Variants in ASIC2 observed in about 807,000 individuals in gnomAD.
ASIC2 encodes the protein acid sensing ion channel subunit 2.
In ASIC2, 25 loss-of-function variants were observed where a neutral mutation model predicts 57.3. The observed-to-expected ratio is 0.44, with a 90% confidence interval of 0.32 to 0.61. The LOEUF is 0.61. Among genes scored for constraint, ASIC2 ranks in the 20% least tolerant of loss-of-function variants. The pLI is 0.06. For synonymous variants in ASIC2, 319 were observed against 307.5 expected, an observed-to-expected ratio of 1.04 and a Z score of -0.39; for missense variants, 641 against 738.1, an observed-to-expected ratio of 0.87 and a Z score of 1.52.
chr17:34,065,290 A>G (rs1006384160), intron 1 of ASIC2, among the ~76,000 whole-genome samples: 5 of 152,184 alleles, frequency 3.3e-5, no homozygotes, highest in African/African-American at 9.7e-5. Flanking sequence ...AAAACCACAC[A>G]TCGTATGTTC....
At position 33,877,714 on chromosome 17, in the gene ASIC2, C is replaced by T. The variant is rs1488229542; in HGVS notation, c.555+278264G>A. ...ACAGCCAAACAAAAGGCAGCAGAAA[C>T]CTCTGCAGACTTAAATGTCCCTGTA... On this transcript the variant is annotated intron_variant, in intron 1 of 9. Transcript: ENST00000359872. Among the ~76,000 whole-genome samples the T allele has an allele frequency of 3.9e-5, 6 of 152,212 alleles. No individual in the cohort carries two copies. In the East Asian group the frequency reaches 9.6e-4, roughly 24 times the overall value.
At chr17:33,618,101 T>C (rs1383823846) in intron 1 of ASIC2, among the ~76,000 whole-genome samples, 2 of 152,122 alleles carry the variant, frequency 1.3e-5, no homozygotes, top group Non-Finnish European at 2.9e-5. Context: ...AACCTAGTTA[T>C]GGACAACCTA....
At chr17:33,573,241 G>A (rs1014396239) in intron 1 of ASIC2, among the ~76,000 whole-genome samples, 2 of 152,132 alleles carry the variant, frequency 1.3e-5, no homozygotes, top group African/African-American at 4.8e-5. Context: ...CTGTGTTAAA[G>A]GGGGCCACTA....
In ASIC2 at chr17:34,141,538, G is replaced by T. The variant is rs148161328; in HGVS notation, c.555+14440C>A. On this transcript the variant is annotated intron_variant, in intron 1 of 9. Transcript: ENST00000359872. ...CTGTTTAGCTTCCCCACTAAACCAC[G>T]AGCTCCTTGAATGTCTAGACTGGGT... Among the ~76,000 whole-genome samples, 330 of 152,180 alleles carry T rather than the reference G, an allele frequency of 2.2e-3. 1 individual carries two copies. The highest frequency in any genetic ancestry group is 7.7e-3 in the African/African-American group (319 of 41,492).
chr17:33,684,908 G>T (rs1285193549), intron 1 of ASIC2, among the ~76,000 whole-genome samples: 2 of 152,118 alleles, frequency 1.3e-5, no homozygotes, highest in African/African-American at 4.8e-5. Context: ...ATAACAGCAG[G>T]ATCCTATTGT....
At chr17:33,811,261 A>G (rs1309290169) in intron 1 of ASIC2, among the ~76,000 whole-genome samples, 1 of 152,146 alleles carries the variant, frequency 6.6e-6, no homozygotes, top group East Asian at 1.9e-4. Flanking sequence ...TTCATTTCAC[A>G]TTTGGAGCCA....
chr17:33,794,591 G>A (rs919320238), intron 1 of ASIC2: 2 of 152,122 alleles, frequency 1.3e-5, no homozygotes, highest in South Asian at 2.1e-4. Context: ...TTGGAAATTT[G>A]ATGCTATGTC....
At chr17:33,542,049 T>C (rs2141969710) in intron 1 of ASIC2, among the ~76,000 whole-genome samples, 1 of 152,360 alleles carries the variant, frequency 6.6e-6, no homozygotes, top group Admixed American at 6.5e-5. Flanking sequence ...AAATGCTGAA[T>C]ACACTCTCTG....
intron 1 of ASIC2, among the ~76,000 whole-genome samples, chr17:33,464,994 A>G (rs889660668): frequency 1.3e-5 from 2 of 152,084 alleles, no homozygotes; most frequent in African/African-American, 4.8e-5. Context: ...CAAAAATACT[A>G]TGGAATTCCA....
chr17:33,177,717 C>T (rs1332211946), intron 1 of ASIC2, among the ~76,000 whole-genome samples: 5 of 152,166 alleles, frequency 3.3e-5, no homozygotes, highest in African/African-American at 1.2e-4. Flanking sequence ...GGAGGCTGCT[C>T]CTGGAGGAAT....
chr17:33,041,525 T>C (rs1297417978), intron 3 of ASIC2, among the ~76,000 whole-genome samples: 4 of 152,190 alleles, frequency 2.6e-5, no homozygotes, highest in African/African-American at 7.2e-5. Context: ...AATGAATGAA[T>C]TTCCCTATCC....
chr17:33,769,312 G>A (rs1043847770), intron 1 of ASIC2, among the ~76,000 whole-genome samples: 3 of 152,200 alleles, frequency 2.0e-5, no homozygotes, highest in African/African-American at 7.2e-5. Context: ...ATGCAGTGTT[G>A]GCCGTGGGTT....
intron 1 of ASIC2, among the ~76,000 whole-genome samples, chr17:34,111,304 T>A (rs1911265174): frequency 6.9e-6 from 1 of 145,790 alleles, no homozygotes. Context: ...TAATATAATG[T>A]ATATATATTA....
chr17:33,579,338 A>G (rs1329524306), intron 1 of ASIC2, among the ~76,000 whole-genome samples: 1 of 150,326 alleles, frequency 6.7e-6, no homozygotes. Context: ...GGCTCAGGGC[A>G]CACTGGAACA....
intron 1 of ASIC2, among the ~76,000 whole-genome samples, chr17:33,613,530 A>G (rs144762395): frequency 0.013 from 1,954 of 149,884 alleles, 34 homozygotes; most frequent in African/African-American, 0.045. Context: ...ACGCCCAGCT[A>G]ATTTTTTGTG....
At chr17:33,272,627 G>A (rs978213944) in intron 1 of ASIC2, among the ~76,000 whole-genome samples, 3 of 151,910 alleles carry the variant, frequency 2.0e-5, no homozygotes, top group Non-Finnish European at 2.9e-5. Flanking sequence ...CATCGTCATC[G>A]TGAGCATCAT....
intron 1 of ASIC2, among the ~76,000 whole-genome samples, chr17:34,018,118 T>TAA (rs1346105430): frequency 6.6e-6 from 1 of 152,232 alleles, no homozygotes; most frequent in Admixed American, 6.5e-5. Flanking sequence ...ACTCTCTTGT[T>TAA]AGGCTCTGAA....
intron 1 of ASIC2, among the ~76,000 whole-genome samples, chr17:33,660,754 C>T (rs1310271198): frequency 6.6e-6 from 1 of 152,210 alleles, no homozygotes; most frequent in African/African-American, 2.4e-5. Flanking sequence ...GATTTTTCAC[C>T]TCTGTTAGAC....
At chr17:33,439,523 C>T (rs949493758) in intron 1 of ASIC2, among the ~76,000 whole-genome samples, 1 of 152,100 alleles carries the variant, frequency 6.6e-6, no homozygotes, top group African/African-American at 2.4e-5. Flanking sequence ...GTGTAAATTA[C>T]CCCCCTCTAT....
Sources: allele counts gnomAD v4.1 joint callset (sites outside exome capture counted in the v4.1 genomes callset), GRCh38; gene constraint gnomAD v4.1.1; transcripts MANE v1.5; gene names NCBI Gene and HGNC (gene_info 2026-07-23, HGNC 2026-07-21).